The following WDR70 variants were observed in gnomAD, a reference collection of about 807,000 sequenced individuals.
WDR70 encodes WD repeat domain 70.
In WDR70, 53 loss-of-function variants were observed where a neutral mutation model predicts 88.6. The observed-to-expected ratio is 0.60, with a 90% confidence interval of 0.48 to 0.75. WDR70 has a LOEUF of 0.75. Among genes scored for constraint, WDR70 ranks in the 30% least tolerant of loss-of-function variants. The pLI is 0.00. For missense variants in WDR70, 610 were observed against 823.2 expected, an observed-to-expected ratio of 0.74 and a Z score of 3.17; for synonymous variants, 280 against 270.0, an observed-to-expected ratio of 1.04 and a Z score of -0.36.
chr5:37,557,957 A>ACTCTTTTGAAAACTCTTCAAAAGCGTAC, intron 9 of WDR70, among the ~76,000 whole-genome samples: 2 of 139,252 alleles, frequency 1.4e-5, no homozygotes, highest in Admixed American at 7.1e-5. Context: ...TCAAAAGAGT[A>ACTCTTTTGAAAACTCTTCAAAAGCGTAC]TTATGTATAT....
chr5:37,541,206 A>G (rs1741806406), intron 9 of WDR70, among the ~76,000 whole-genome samples: 1 of 152,198 alleles, frequency 6.6e-6, no homozygotes, highest in Non-Finnish European at 1.5e-5. Flanking sequence ...TGTGCCTTCC[A>G]CTTTGTGTAG....
At chr5:37,677,065 G>A (rs1746248905) in intron 10 of WDR70, among the ~76,000 whole-genome samples, 1 of 152,108 alleles carries the variant, frequency 6.6e-6, no homozygotes, top group Non-Finnish European at 1.5e-5. Context: ...ATATTTCTGT[G>A]GGATCGGTGG....
At chr5:37,679,070 C>T (rs1476377190) in intron 10 of WDR70, among the ~76,000 whole-genome samples, 1 of 152,022 alleles carries the variant, frequency 6.6e-6, no homozygotes, top group East Asian at 1.9e-4. Flanking sequence ...CGAGCCTTGG[C>T]TTTCAGCTCC....
chr5:37,644,094 CT>C (rs1178306030), intron 10 of WDR70, among the ~76,000 whole-genome samples: 1 of 152,040 alleles, frequency 6.6e-6, no homozygotes, highest in Non-Finnish European at 1.5e-5. Flanking sequence ...AGTTTTCCCC[CT>C]AATCAGTATG....
At chr5:37,527,814 C>T (rs1372223411) in intron 9 of WDR70, among the ~76,000 whole-genome samples, 1 of 152,094 alleles carries the variant, frequency 6.6e-6, no homozygotes, top group Non-Finnish European at 1.5e-5. Context: ...AAAAAGTGGG[C>T]AAAGGATATG....
chr5:37,390,713 T>C (rs1237321060), intron 3 of WDR70, among the ~76,000 whole-genome samples: 2 of 141,406 alleles, frequency 1.4e-5, no homozygotes, highest in African/African-American at 5.9e-5. Context: ...AGAAAAAAAG[T>C]GCTGTTTTTT....
Position 37,467,869 on chromosome 5 carries a change from C to T in WDR70, c.687-11965C>T, listed in dbSNP as rs191139623. On this transcript the variant is annotated intron_variant, in intron 7 of 17. Transcript: ENST00000265107. ...AGCTGGGATTACAGGCGCCCGCCAC[C>T]GCGCCCAGCTAATTTTTTGTATTTT... is the stretch of plus-strand genomic sequence containing the variant. Among the ~76,000 whole-genome samples the T allele has an allele frequency of 7.7e-3, 1,172 of 152,018 alleles. 18 individuals are homozygous for T. The highest frequency in any genetic ancestry group is 0.026 in the African/African-American group (1,091 of 41,454).
intron 5 of WDR70, among the ~76,000 whole-genome samples, chr5:37,406,501 TGTGA>T (rs1749358019): frequency 6.6e-6 from 1 of 152,204 alleles, no homozygotes; most frequent in African/African-American, 2.4e-5. Flanking sequence ...TTTAAAGCTG[TGTGA>T]TTTTGGGCAC....
chr5:37,464,552 C>T (rs1259516917), intron 7 of WDR70, among the ~76,000 whole-genome samples: 1 of 152,094 alleles, frequency 6.6e-6, no homozygotes, highest in Non-Finnish European at 1.5e-5. Flanking sequence ...ATAAGAATAA[C>T]AGATAAAAGG....
intron 8 of WDR70, among the ~76,000 whole-genome samples, chr5:37,493,561 T>C (rs1215572069): frequency 1.3e-5 from 2 of 152,130 alleles, no homozygotes; most frequent in Non-Finnish European, 2.9e-5. Context: ...ATAGTACAGT[T>C]CTACTAACAT....
intron 10 of WDR70, among the ~76,000 whole-genome samples, chr5:37,673,872 G>A (rs900151610): frequency 6.6e-6 from 1 of 151,804 alleles, no homozygotes; most frequent in Non-Finnish European, 1.5e-5. Context: ...GCAGTATTTG[G>A]TTTTCTGTTC....
At position 37,662,318 on chromosome 5, in the gene WDR70, A is replaced by G. The variant is rs530831995; in HGVS notation, c.1093-35337A>G. Among the ~76,000 whole-genome samples the G allele has an allele frequency of 7.2e-5, 11 of 152,330 alleles. No individual in the cohort carries two copies. In the South Asian group the frequency reaches 2.3e-3, roughly 32 times the overall value. ...GTGGAAGTAGCACAGTTTTACAGAT[A>G]AGAAAATGTTTTCCAGGATAAAGGT... On this transcript the variant is annotated intron_variant, in intron 10 of 17. Coordinates refer to ENST00000265107, the MANE Select transcript of WDR70 (RefSeq NM_018034.4).
intron 10 of WDR70, among the ~76,000 whole-genome samples, chr5:37,640,733 G>A (rs1745081573): frequency 6.6e-6 from 1 of 152,140 alleles, no homozygotes; most frequent in Non-Finnish European, 1.5e-5. Flanking sequence ...ATTTAAAGGA[G>A]AAAATTAAAG....
At chr5:37,467,231 A>AC (rs1739181963) in intron 7 of WDR70, among the ~76,000 whole-genome samples, 1 of 151,108 alleles carries the variant, frequency 6.6e-6, no homozygotes, top group Non-Finnish European at 1.5e-5. Flanking sequence ...TGTCTCAAAA[A>AC]AAAAAAAACA....
At chr5:37,721,664 AG>A (rs1348646012) in intron 14 of WDR70, 1 of 163,566 alleles carries the variant, frequency 6.1e-6, no homozygotes, top group Non-Finnish European at 1.3e-5. Flanking sequence ...GTCCGCAGAA[AG>A]GGACAGCACA....
chr5:37,726,748 C>T (rs1485795591), intron 16 of WDR70, 135 bp from the exon 17 acceptor site: 2 of 904,468 alleles, frequency 2.2e-6, no homozygotes, highest in Admixed American at 8.2e-5. Flanking sequence ...TTCTGATTGT[C>T]ATAAATCTAA....
At chr5:37,423,916 A>G (rs1487828984) in intron 5 of WDR70, among the ~76,000 whole-genome samples, 3 of 147,398 alleles carry the variant, frequency 2.0e-5, no homozygotes, top group African/African-American at 7.4e-5. Context: ...TGGGAGGCCG[A>G]GGCGGGCAGA....
chr5:37,541,768 G>A (rs1278027983), intron 9 of WDR70, among the ~76,000 whole-genome samples: 2 of 152,144 alleles, frequency 1.3e-5, no homozygotes, highest in African/African-American at 4.8e-5. Flanking sequence ...TGACCCCCAA[G>A]TACTGAATAA....
At chr5:37,618,652 A>T (rs976460787) in intron 10 of WDR70, among the ~76,000 whole-genome samples, 1 of 152,178 alleles carries the variant, frequency 6.6e-6, no homozygotes, top group Non-Finnish European at 1.5e-5. Flanking sequence ...TGAAGGAGGA[A>T]GTGGGAAAAG....
Sources: gnomAD v4.1 joint callset for allele counts (sites outside exome capture counted in the v4.1 genomes callset) on GRCh38, gnomAD v4.1.1 for gene constraint, MANE v1.5 for transcripts, NCBI Gene and HGNC (gene_info 2026-07-23, HGNC 2026-07-21) for gene names.